C8orf34: variants seen among roughly 807,000 people sequenced by gnomAD.
C8orf34 encodes the protein chromosome 8 open reading frame 34, also known as uncharacterized protein C8orf34.
C8orf34 carries 65 observed loss-of-function variants against 68.3 expected under a neutral mutation model. The ratio of observed to expected loss-of-function variants is 0.95; its 90% CI spans 0.78 to 1.17. C8orf34 has a LOEUF of 1.17. Among genes scored for constraint, C8orf34 ranks in the 50% most tolerant of loss-of-function variants. The pLI is 0.00. For synonymous variants in C8orf34, 244 were observed against 241.2 expected (o/e 1.01, Z -0.11); for missense variants, 664 against 655.4 (o/e 1.01, Z -0.14).
chr8:68,489,100 A>C (rs1317448516), intron 5 of C8orf34, among the ~76,000 whole-genome samples: 1 of 152,194 alleles, frequency 6.6e-6, no homozygotes, highest in Non-Finnish European at 1.5e-5. Flanking sequence ...TGCATTGTTT[A>C]CATTTTGAAA....
intron 8 of C8orf34, among the ~76,000 whole-genome samples, chr8:68,676,310 G>T (rs1177046550): frequency 6.6e-6 from 1 of 151,916 alleles, no homozygotes; most frequent in Non-Finnish European, 1.5e-5. Context: ...TTTCAGTTTG[G>T]GTGACACAGT....
chr8:68,600,094 A>T (rs1817654969), intron 7 of C8orf34, among the ~76,000 whole-genome samples: 1 of 152,132 alleles, frequency 6.6e-6, no homozygotes, highest in Admixed American at 6.6e-5. Context: ...TATGTGGAGT[A>T]ACTAGAACTC....
At chr8:68,465,150 C>T (rs544837614) in intron 3 of C8orf34, among the ~76,000 whole-genome samples, 9 of 151,964 alleles carry the variant, frequency 5.9e-5, no homozygotes, top group African/African-American at 1.5e-4. Flanking sequence ...GGACATGAAC[C>T]GACACGTCAC....
chr8:68,496,500 A>AT lies in C8orf34; in HGVS notation c.765+8449_765+8450insT, dbSNP rs1315922220. On this transcript the variant is annotated intron_variant, in intron 5 of 13. Transcript: ENST00000518698. ...AATCTTGCCTTTCTAAAAAGTTAGG[A>AT]AGCTCAAGGAGGGCCTATTTTAAGT... 2.0e-5 allele frequency among the ~76,000 whole-genome samples: 3 copies of AT among 152,308 alleles called. No individual in the cohort carries two copies. The East Asian group carries it at 5.8e-4, about 29-fold the overall frequency.
rs563286607 is a variant in C8orf34, at chr8:68,503,894, T to C, written c.765+15843T>C. Among the ~76,000 whole-genome samples, 5 of 152,254 alleles carry C rather than the reference T, an allele frequency of 3.3e-5. No individual in the cohort carries two copies. The East Asian group carries it at 9.7e-4, about 29-fold the overall frequency. ...AATTAGTCTACTGTAAAAGGGAAAA[T>C]GAATTTCATGTATTATTTTAACAGC... is the stretch of plus-strand genomic sequence containing the variant. On this transcript the variant is annotated intron_variant, in intron 5 of 13. Coordinates refer to ENST00000518698, the MANE Select transcript of C8orf34 (RefSeq NM_052958.4).
chr8:68,543,307 T>A (rs1179275036), intron 7 of C8orf34, among the ~76,000 whole-genome samples: 1 of 152,102 alleles, frequency 6.6e-6, no homozygotes, highest in Non-Finnish European at 1.5e-5. Flanking sequence ...AATTTCCTTT[T>A]AAATAATATT....
intron 7 of C8orf34, among the ~76,000 whole-genome samples, chr8:68,565,040 A>G (rs1189339876): frequency 6.6e-6 from 1 of 152,148 alleles, no homozygotes; most frequent in Non-Finnish European, 1.5e-5. Flanking sequence ...TCTTTCTTCC[A>G]TTTGGCCCCA....
chr8:68,591,077 C>T (rs1817375065), intron 7 of C8orf34, among the ~76,000 whole-genome samples: 1 of 152,086 alleles, frequency 6.6e-6, no homozygotes, highest in Admixed American at 6.6e-5. Context: ...GCCACAAGGT[C>T]GTCAGGTCTT....
intron 7 of C8orf34, among the ~76,000 whole-genome samples, chr8:68,633,083 G>A (rs1471232314): frequency 1.3e-5 from 2 of 152,116 alleles, no homozygotes; most frequent in African/African-American, 4.8e-5. Flanking sequence ...TCAACCAACA[G>A]CCCTTGTACC....
At chr8:68,737,495 A>T (rs1285236163) in intron 10 of C8orf34, among the ~76,000 whole-genome samples, 1 of 152,080 alleles carries the variant, frequency 6.6e-6, no homozygotes, top group African/African-American at 2.4e-5. Context: ...TAAAGAACCA[A>T]GGCCCATTGG....
intron 10 of C8orf34, among the ~76,000 whole-genome samples, chr8:68,773,606 G>A (rs982433467): frequency 6.6e-6 from 1 of 151,858 alleles, no homozygotes; most frequent in African/African-American, 2.4e-5. Context: ...CACCATGTTG[G>A]CCAGGCTGAC....
chr8:68,780,490 A>G (rs1159423341), intron 11 of C8orf34, among the ~76,000 whole-genome samples: 2 of 152,174 alleles, frequency 1.3e-5, no homozygotes, highest in Non-Finnish European at 2.9e-5. Flanking sequence ...GTTTTTCACA[A>G]CCTACTGTAC....
In C8orf34 at chr8:68,518,671, G is replaced by A. The variant is rs140123077; in HGVS notation, c.766-3128G>A. Among the ~76,000 whole-genome samples the A allele has an allele frequency of 3.5e-3, 535 of 152,202 alleles. 2 individuals are homozygous for A. The highest frequency in any genetic ancestry group is 5.2e-3 in the Non-Finnish European group (356 of 68,018). On this transcript the variant is annotated intron_variant, in intron 5 of 13. Coordinates refer to ENST00000518698, the MANE Select transcript of C8orf34 (RefSeq NM_052958.4). The stretch of plus-strand genomic sequence containing the variant: ...CCAGCACTTTGGGAGGCCAAGGTGC[G>A]TGGATCACAAGGTCAAGAGATTGAG...
chr8:68,488,172 A>G (rs1328944015), intron 5 of C8orf34, 121 bp downstream of exon 5: 1 of 679,968 alleles, frequency 1.5e-6, no homozygotes, highest in Non-Finnish European at 2.3e-6. Flanking sequence ...TTGGGCTAAC[A>G]TTTTAAAACT....
chr8:68,505,738 C>CAAAAAAAAAAAAAAAAAAAAA (rs778441254), intron 5 of C8orf34, among the ~76,000 whole-genome samples: 5 of 68,302 alleles, frequency 7.3e-5, no homozygotes, highest in African/African-American at 2.3e-4. Flanking sequence ...ACTCCGTCTC[C>CAAAAAAAAAAAAAAAAAAAAA]AAAAAAAAAA....
chr8:68,331,028 G>A lies in C8orf34; in HGVS notation c.16G>A (p.Ala6Thr). 1 of 1,452,112 alleles carries A rather than the reference G, an allele frequency of 6.9e-7. No individual in the cohort carries two copies. The allele number at this position is 1,452,112 out of a possible 1,614,324, so 90.0% of individuals were successfully genotyped here. ...AACGCGATGAATGAGTTCTCCCCTC[G>A]CCTCGGAGTTGTCTGAGTTGGCGGC... The part of the protein sequence containing the change: MSSPL[A>T]SELSELAALR... Residue 6 changes from alanine (A) to threonine (T), a missense_variant, in exon 1 of 14, where the codon GCC (alanine) becomes ACC (threonine). Transcript: ENST00000518698.
intron 1 of C8orf34, among the ~76,000 whole-genome samples, chr8:68,425,806 A>T (rs1810186830): frequency 6.6e-6 from 1 of 152,140 alleles, no homozygotes; most frequent in African/African-American, 2.4e-5. Flanking sequence ...AAATCAAGAC[A>T]TAGTGGTGCT....
chr8:68,427,118 A>G (rs1810260600), intron 1 of C8orf34, among the ~76,000 whole-genome samples: 1 of 152,174 alleles, frequency 6.6e-6, no homozygotes, highest in Non-Finnish European at 1.5e-5. Flanking sequence ...TGACTCTGAA[A>G]ATAATTTGGT....
At position 68,518,465 on chromosome 8, in the gene C8orf34, T is replaced by G. The variant is rs192770731; in HGVS notation, c.766-3334T>G. Among the ~76,000 whole-genome samples the G allele has an allele frequency of 9.2e-4, 140 of 152,274 alleles. 1 individual carries two copies. The highest frequency in any genetic ancestry group is 1.9e-4 in the Non-Finnish European group (13 of 68,012). The stretch of plus-strand genomic sequence containing the variant: ...GATCATAGACTTAATACATTTAATG[T>G]GCTTCCTCTGACCCTCCCTTTAGGG... On this transcript the variant is annotated intron_variant, in intron 5 of 13. Coordinates refer to ENST00000518698, the MANE Select transcript of C8orf34 (RefSeq NM_052958.4).
Sources: gnomAD v4.1 joint callset for allele counts (sites outside exome capture counted in the v4.1 genomes callset) on GRCh38, gnomAD v4.1.1 for gene constraint, MANE v1.5 for transcripts, NCBI Gene and HGNC (gene_info 2026-07-23, HGNC 2026-07-21) for gene names.